The following TNIK variants were observed in gnomAD, a reference collection of about 807,000 sequenced individuals.
The protein encoded by TNIK is TRAF2 and NCK interacting kinase, also known as TRAF2 and NCK-interacting protein kinase.
TNIK carries 49 observed loss-of-function variants against 191.3 expected under a neutral mutation model. That is an observed-to-expected ratio of 0.26 (90% CI 0.20 to 0.32). TNIK has a LOEUF of 0.32. TNIK is among the 10% of genes least tolerant of loss of function. TNIK has a pLI of 1.00. For synonymous variants in TNIK, 594 were observed against 600.9 expected (o/e 0.99, Z 0.17); for missense variants, 1,155 against 1,702.3 (o/e 0.68, Z 5.66).
At chr3:171,245,926 C>T (rs1745535264) in intron 2 of TNIK, among the ~76,000 whole-genome samples, 1 of 152,110 alleles carries the variant, frequency 6.6e-6, no homozygotes, top group African/African-American at 2.4e-5. Context: ...GAGAAACAGA[C>T]AGACAGACAG....
chr3:171,072,307 T>C (rs577860056), intron 28 of TNIK, among the ~76,000 whole-genome samples: 2 of 152,282 alleles, frequency 1.3e-5, no homozygotes, highest in South Asian at 4.1e-4. Context: ...TTAAATGACA[T>C]TAAGTTTCCA....
intron 4 of TNIK, among the ~76,000 whole-genome samples, chr3:171,201,331 G>C (rs970091906): frequency 6.6e-6 from 1 of 152,074 alleles, no homozygotes; most frequent in Non-Finnish European, 1.5e-5. Flanking sequence ...CCCAGGCTGC[G>C]AAGGTTGTGG....
At chr3:171,198,579 C>T (rs2422192) in intron 4 of TNIK, among the ~76,000 whole-genome samples, 115,833 of 152,074 alleles carry the variant, frequency 0.76, 44,469 homozygotes, top group East Asian at 0.86. Context: ...TAAAAAATGA[C>T]ATGTTTTGTT....
chr3:171,341,167 T>C (rs1757464535), intron 2 of TNIK, among the ~76,000 whole-genome samples: 1 of 152,128 alleles, frequency 6.6e-6, no homozygotes. Flanking sequence ...CACTACAATG[T>C]ACACTTAAGA....
intron 32 of TNIK, among the ~76,000 whole-genome samples, chr3:171,065,913 T>C (rs901623909): frequency 6.6e-6 from 1 of 152,192 alleles, no homozygotes; most frequent in Non-Finnish European, 1.5e-5. Context: ...CTTAGGAGAA[T>C]TTGGGGTGTC....
At chr3:171,427,645 T>C (rs1230006315) in intron 1 of TNIK, among the ~76,000 whole-genome samples, 1 of 152,230 alleles carries the variant, frequency 6.6e-6, no homozygotes, top group Non-Finnish European at 1.5e-5. Context: ...GCCTGCTTTC[T>C]CTCGCATTAG....
chr3:171,212,159 A>G (rs188139402), intron 3 of TNIK, among the ~76,000 whole-genome samples: 50 of 152,224 alleles, frequency 3.3e-4, no homozygotes, highest in African/African-American at 1.1e-3. Context: ...AAAACTACCC[A>G]TGGTGTCCCC....
chr3:171,164,158 C>T (rs201832030), intron 10 of TNIK, among the ~76,000 whole-genome samples: 1 of 152,194 alleles, frequency 6.6e-6, no homozygotes, highest in African/African-American at 2.4e-5. Context: ...CTTGAACATA[C>T]CTATTCCCAA....
At chr3:171,317,068 T>A (rs1754717029) in intron 2 of TNIK, among the ~76,000 whole-genome samples, 1 of 150,950 alleles carries the variant, frequency 6.6e-6, no homozygotes, top group Non-Finnish European at 1.5e-5. Flanking sequence ...ATCTGAAAAG[T>A]ACTTAAATAG....
intron 3 of TNIK, among the ~76,000 whole-genome samples, chr3:171,213,796 G>A (rs1447846346): frequency 1.3e-5 from 2 of 152,050 alleles, no homozygotes; most frequent in African/African-American, 4.8e-5. Flanking sequence ...TTCCTTTCTG[G>A]CTGCAGAATC....
chr3:171,124,348 GAATT>G (rs1728182570), intron 17 of TNIK, among the ~76,000 whole-genome samples: 1 of 152,104 alleles, frequency 6.6e-6, no homozygotes, highest in African/African-American at 2.4e-5. Context: ...ATACAAAGCA[GAATT>G]AATACTGAAA....
chr3:171,452,471 C>T (rs1010237300), intron 1 of TNIK, among the ~76,000 whole-genome samples: 2 of 152,036 alleles, frequency 1.3e-5, no homozygotes, highest in African/African-American at 2.4e-5. Context: ...TGTGACAAAA[C>T]TGAAGCTTAG....
intron 2 of TNIK, among the ~76,000 whole-genome samples, chr3:171,323,110 G>T (rs73171590): frequency 3.3e-5 from 5 of 151,908 alleles, no homozygotes; most frequent in Non-Finnish European, 7.4e-5. Flanking sequence ...CTACAAGAGC[G>T]GTAGTTGATT....
At chr3:171,178,984 G>A (rs1160550658) in intron 7 of TNIK, among the ~76,000 whole-genome samples, 2 of 152,066 alleles carry the variant, frequency 1.3e-5, no homozygotes, top group African/African-American at 2.4e-5. Flanking sequence ...ATTGGGCAGA[G>A]GTCTGCACAA....
At chr3:171,407,950 A>G (rs2108594333) in intron 1 of TNIK, among the ~76,000 whole-genome samples, 1 of 152,362 alleles carries the variant, frequency 6.6e-6, no homozygotes, top group South Asian at 2.1e-4. Flanking sequence ...TTCATAACCC[A>G]CAATGACACA....
At chr3:171,417,131 C>T (rs1489201751) in intron 1 of TNIK, among the ~76,000 whole-genome samples, 1 of 152,172 alleles carries the variant, frequency 6.6e-6, no homozygotes, top group Non-Finnish European at 1.5e-5. Flanking sequence ...AACTTGCATT[C>T]AGTTGCCAAT....
chr3:171,183,014 G>C (rs991794354), intron 7 of TNIK, among the ~76,000 whole-genome samples: 1 of 152,132 alleles, frequency 6.6e-6, no homozygotes, highest in African/African-American at 2.4e-5. Context: ...TGCTGCATTG[G>C]GTATTCAACG....
intron 14 of TNIK, 94 bp downstream of exon 14, chr3:171,139,376 G>T: frequency 1.9e-6 from 1 of 532,146 alleles, no homozygotes; most frequent in East Asian, 3.0e-5. Context: ...ACACGCACGC[G>T]CGCACACACA....
intron 1 of TNIK, among the ~76,000 whole-genome samples, chr3:171,393,723 T>C (rs1476019834): frequency 6.6e-6 from 1 of 152,234 alleles, no homozygotes; most frequent in Non-Finnish European, 1.5e-5. Flanking sequence ...CAGTAACTGA[T>C]CTCTTTCGTA....
Sources: gnomAD v4.1 joint callset for allele counts (sites outside exome capture counted in the v4.1 genomes callset) on GRCh38, gnomAD v4.1.1 for gene constraint, MANE v1.5 for transcripts, NCBI Gene and HGNC (gene_info 2026-07-23, HGNC 2026-07-21) for gene names.